Variants in GPC5 observed in about 807,000 individuals in gnomAD.
GPC5 encodes glypican 5, also known as glypican-5.
GPC5 carries 47 observed loss-of-function variants against 53.9 expected under a neutral mutation model. That is an observed-to-expected ratio of 0.87 (90% CI 0.69 to 1.11). The LOEUF (loss-of-function observed/expected upper bound fraction) is 1.11, where lower values mean the gene tolerates loss of function less well. Ranked by LOEUF, GPC5 falls within the 50% of genes most tolerant of loss-of-function variation. The probability of loss-of-function intolerance (pLI) is 0.00; values close to 1 mark genes in which losing one functional copy is unlikely to be tolerated. For missense variants in GPC5, 748 were observed against 713.1 expected (o/e 1.05, Z -0.56); for synonymous variants, 286 against 263.3 (o/e 1.09, Z -0.84).
At chr13:91,517,930 T>A (rs1225042852) in intron 2 of GPC5, among the ~76,000 whole-genome samples, 1 of 152,092 alleles carries the variant, frequency 6.6e-6, no homozygotes. Context: ...CCCCCATAAT[T>A]CAATTACCTC....
At chr13:92,181,597 A>G (rs992340599) in intron 7 of GPC5, among the ~76,000 whole-genome samples, 4 of 152,334 alleles carry the variant, frequency 2.6e-5, no homozygotes, top group South Asian at 4.1e-4. Context: ...GATAATGTGT[A>G]TTATTAGGAT....
rs1380561040 is a variant in GPC5, at chr13:91,624,446, A to G, written c.326-68741A>G. Among the ~76,000 whole-genome samples the G allele has an allele frequency of 7.2e-5, 11 of 152,174 alleles. No individual in the cohort carries two copies. The East Asian group carries it at 2.1e-3, about 29-fold the overall frequency. On this transcript the variant is annotated intron_variant, in intron 2 of 7. Coordinates refer to ENST00000377067, the MANE Select transcript of GPC5 (RefSeq NM_004466.6). ...ACCTCCAAGGACAACTTGATAGAAAATATAGTTATAGTGGGAGATATTCAT... is the reference window on the plus strand; with the variant it reads ...ACCTCCAAGGACAACTTGATAGAAAGTATAGTTATAGTGGGAGATATTCAT...
intron 1 of GPC5, among the ~76,000 whole-genome samples, chr13:91,440,332 C>T (rs74241691): frequency 6.6e-6 from 1 of 152,170 alleles, no homozygotes; most frequent in East Asian, 1.9e-4. Flanking sequence ...CTTCAGATCA[C>T]ATATTTTCTG....
intron 7 of GPC5, among the ~76,000 whole-genome samples, chr13:92,406,041 A>G (rs1385890857): frequency 1.3e-5 from 2 of 152,204 alleles, no homozygotes; most frequent in Admixed American, 1.3e-4. Flanking sequence ...TACCTAGGAA[A>G]TATTTGCGTA....
At chr13:92,019,211 A>G (rs530282970) in intron 6 of GPC5, among the ~76,000 whole-genome samples, 1 of 151,842 alleles carries the variant, frequency 6.6e-6, no homozygotes. Flanking sequence ...CTCTCTCTCT[A>G]TATATATTAA....
At chr13:91,713,122 C>T (rs1027599024) in intron 3 of GPC5, among the ~76,000 whole-genome samples, 3 of 152,234 alleles carry the variant, frequency 2.0e-5, no homozygotes, top group African/African-American at 4.8e-5. Context: ...ACCCGGGAGG[C>T]GGAGGGTGCA....
In GPC5 at chr13:91,751,108, A is replaced by C. The variant is rs148519646; in HGVS notation, c.1155-5187A>C. Among the ~76,000 whole-genome samples, 32 of 152,274 alleles carry C rather than the reference A, an allele frequency of 2.1e-4. 1 individual carries two copies. The East Asian group carries it at 4.2e-3, about 20-fold the overall frequency. On this transcript the variant is annotated intron_variant, in intron 4 of 7. Coordinates refer to ENST00000377067, the MANE Select transcript of GPC5 (RefSeq NM_004466.6). The stretch of plus-strand genomic sequence containing the variant: ...GCAACTGCATTTTGCAACACTTCTC[A>C]TGATTCCTGCCACCTAAACCCTGCC...
At chr13:92,081,037 T>C (rs548964130) in intron 6 of GPC5, among the ~76,000 whole-genome samples, 4 of 152,336 alleles carry the variant, frequency 2.6e-5, no homozygotes, top group South Asian at 2.1e-4. Flanking sequence ...TTTCTTTACA[T>C]AGAACCCTCT....
At chr13:92,660,008 T>G (rs1886281847) in intron 7 of GPC5, among the ~76,000 whole-genome samples, 1 of 152,206 alleles carries the variant, frequency 6.6e-6, no homozygotes, top group African/African-American at 2.4e-5. Flanking sequence ...AGAATCCTTC[T>G]GTCTGCTCTT....
At chr13:91,845,246 G>C (rs944649206) in intron 5 of GPC5, among the ~76,000 whole-genome samples, 1 of 151,660 alleles carries the variant, frequency 6.6e-6, no homozygotes, top group Admixed American at 6.6e-5. Context: ...TGGCTTCTTA[G>C]TGTCACATCT....
intron 7 of GPC5, among the ~76,000 whole-genome samples, chr13:92,798,276 G>A (rs895482961): frequency 6.6e-6 from 1 of 151,800 alleles, no homozygotes; most frequent in African/African-American, 2.4e-5. Flanking sequence ...ATGGATATTT[G>A]TTATGCAGCA....
At chr13:92,276,801 A>G (rs992342955) in intron 7 of GPC5, among the ~76,000 whole-genome samples, 2 of 152,214 alleles carry the variant, frequency 1.3e-5, no homozygotes, top group African/African-American at 4.8e-5. Flanking sequence ...TTTTATTAAC[A>G]TTGCCAAACA....
At chr13:92,269,721 A>C (rs1443804005) in intron 7 of GPC5, among the ~76,000 whole-genome samples, 1 of 152,058 alleles carries the variant, frequency 6.6e-6, no homozygotes, top group Admixed American at 6.5e-5. Context: ...GGATCCTTTG[A>C]CCTAAATCCT....
intron 7 of GPC5, among the ~76,000 whole-genome samples, chr13:92,625,727 A>C (rs1393270541): frequency 1.3e-5 from 2 of 152,228 alleles, no homozygotes; most frequent in African/African-American, 4.8e-5. Flanking sequence ...CCTTGAAGTA[A>C]TTGCTACTTG....
At chr13:91,845,240 T>A (rs2038835153) in intron 5 of GPC5, among the ~76,000 whole-genome samples, 1 of 152,204 alleles carries the variant, frequency 6.6e-6, no homozygotes, top group Non-Finnish European at 1.5e-5. Context: ...ATTCATTGGC[T>A]TCTTAGTGTC....
At chr13:91,669,214 T>C (rs149716660) in intron 2 of GPC5, among the ~76,000 whole-genome samples, 12 of 152,286 alleles carry the variant, frequency 7.9e-5, no homozygotes, top group African/African-American at 2.2e-4. Context: ...CTGATAGTCA[T>C]ATGTGGATGG....
intron 7 of GPC5, among the ~76,000 whole-genome samples, chr13:92,590,466 A>G (rs1161698438): frequency 6.6e-6 from 1 of 152,208 alleles, no homozygotes; most frequent in Non-Finnish European, 1.5e-5. Flanking sequence ...TTTTCTGAAC[A>G]AAACCTTCAA....
At chr13:91,907,129 T>C (rs9560886) in intron 5 of GPC5, among the ~76,000 whole-genome samples, 7,950 of 149,220 alleles carry the variant, frequency 0.053, 408 homozygotes, top group East Asian at 0.25. Context: ...TAAAGAATAT[T>C]ATTACACATT....
At chr13:91,872,195 T>A (rs1443143366) in intron 5 of GPC5, among the ~76,000 whole-genome samples, 3 of 152,084 alleles carry the variant, frequency 2.0e-5, no homozygotes, top group Admixed American at 6.6e-5. Context: ...CAATTGTGGT[T>A]CCAGAGTGTA....
Sources: allele counts gnomAD v4.1 joint callset (sites outside exome capture counted in the v4.1 genomes callset), GRCh38; gene constraint gnomAD v4.1.1; transcripts MANE v1.5; gene names NCBI Gene and HGNC (gene_info 2026-07-23, HGNC 2026-07-21).